The following ITGA9 variants were observed in gnomAD, a reference collection of about 807,000 sequenced individuals.
ITGA9 encodes the protein integrin subunit alpha 9.
A neutral mutation model predicts 127.8 loss-of-function variants in ITGA9; 56 were observed. That is an observed-to-expected ratio of 0.44 (90% CI 0.35 to 0.55). The LOEUF is 0.55. Among genes scored for constraint, ITGA9 ranks in the 20% least tolerant of loss-of-function variants. The pLI, the probability that ITGA9 is intolerant of heterozygous loss-of-function variation, is 0.00. For missense variants in ITGA9, 1,196 were observed against 1,347.1 expected (o/e 0.89, Z 1.76); for synonymous variants, 508 against 514.5 (o/e 0.99, Z 0.17).
At chr3:37,677,832 A>G (rs1253774616) in intron 17 of ITGA9, among the ~76,000 whole-genome samples, 3 of 152,196 alleles carry the variant, frequency 2.0e-5, no homozygotes, top group Non-Finnish European at 2.9e-5. Flanking sequence ...ATTGTTTGTG[A>G]TTTCACATTG....
intron 4 of ITGA9, among the ~76,000 whole-genome samples, chr3:37,483,821 T>G (rs1430832260): frequency 6.7e-6 from 1 of 149,730 alleles, no homozygotes; most frequent in African/African-American, 2.4e-5. Context: ...GTGACAGGAG[T>G]AAGTGGAGAC....
intron 11 of ITGA9, among the ~76,000 whole-genome samples, chr3:37,519,779 C>T (rs1699026063): frequency 6.6e-6 from 1 of 152,234 alleles, no homozygotes; most frequent in East Asian, 1.9e-4. Context: ...CAGCTGGCCT[C>T]AAAACCAGGA....
chr3:37,790,401 CTCTCGGTTG>C (rs1441783053), intron 26 of ITGA9: 5 of 472,444 alleles, frequency 1.1e-5, no homozygotes, highest in Non-Finnish European at 2.2e-5. Flanking sequence ...CTGCTCGGTT[CTCTCGGTTG>C]GAATGCCTGA....
chr3:37,656,501 T>A (rs6550495), intron 17 of ITGA9, among the ~76,000 whole-genome samples: 88,028 of 151,356 alleles, frequency 0.58, 26,265 homozygotes, highest in African/African-American at 0.72. Flanking sequence ...TTTGTCTGTT[T>A]TTGGTGTACA....
At chr3:37,797,082 C>A (rs539059795) in intron 26 of ITGA9, among the ~76,000 whole-genome samples, 3 of 152,044 alleles carry the variant, frequency 2.0e-5, no homozygotes, top group African/African-American at 4.8e-5. Context: ...ACCTGCAGAA[C>A]TTTGGGAGGC....
intron 23 of ITGA9, among the ~76,000 whole-genome samples, chr3:37,760,600 A>G (rs1467449887): frequency 6.6e-6 from 1 of 152,234 alleles, no homozygotes; most frequent in Non-Finnish European, 1.5e-5. Context: ...TCAATAAATG[A>G]TATGAAGACA....
intron 15 of ITGA9, among the ~76,000 whole-genome samples, chr3:37,593,668 A>G (rs988526474): frequency 6.6e-6 from 1 of 152,252 alleles, no homozygotes; most frequent in Non-Finnish European, 1.5e-5. Flanking sequence ...AGTGGGAGTT[A>G]GGGCTTAAAA....
At chr3:37,758,486 G>T (rs1198665726) in intron 23 of ITGA9, among the ~76,000 whole-genome samples, 4 of 150,878 alleles carry the variant, frequency 2.7e-5, no homozygotes, top group Admixed American at 6.6e-5. Flanking sequence ...ATAATAAAAG[G>T]ATTAAATGAA....
rs113254925 is a variant in ITGA9 at position 37,673,845 on chromosome 3, G to A, written c.1917-10020G>A. On this transcript the variant is annotated intron_variant, in intron 17 of 27. Transcript: ENST00000264741. ...CCTCAATGTCTTTGCAAAATGGGGA[G>A]GAGGTTGGTCTGTAATGAATTCTGA... is the stretch of plus-strand genomic sequence containing the variant. Among the ~76,000 whole-genome samples the A allele has an allele frequency of 5.2e-3, 790 of 152,330 alleles. 5 individuals carry two copies. The highest frequency in any genetic ancestry group is 0.024 in the Middle Eastern group (7 of 294).
At chr3:37,782,279 G>A (rs1696983970) in intron 25 of ITGA9, among the ~76,000 whole-genome samples, 2 of 152,226 alleles carry the variant, frequency 1.3e-5, no homozygotes. Context: ...CCACTCTGAT[G>A]TTTCCTTTAT....
At chr3:37,784,894 A>C in intron 25 of ITGA9, 83 bp from the exon 26 acceptor site, 1 of 1,163,054 alleles carries the variant, frequency 8.6e-7, no homozygotes, top group Non-Finnish European at 1.3e-6. Context: ...GAATCATGGA[A>C]TTTCAGTTCT....
intron 17 of ITGA9, among the ~76,000 whole-genome samples, chr3:37,681,482 A>G (rs1236023734): frequency 6.6e-6 from 1 of 152,158 alleles, no homozygotes; most frequent in East Asian, 1.9e-4. Context: ...CCCACACCCT[A>G]GTGATCAAGA....
rs77408817 is a variant in ITGA9, at chr3:37,784,151, C to T, written c.2788-826C>T. 1.7e-3 allele frequency among the ~76,000 whole-genome samples: 259 copies of T among 152,304 alleles called. 3 individuals carry two copies. The South Asian group carries it at 0.032, about 19-fold the overall frequency. ...ACTAGTTCTCTGCTATCTGTTTCCACGACAGAAGCCAGGCTGCCCTTCTGC... is the reference window on the plus strand; with the variant it reads ...ACTAGTTCTCTGCTATCTGTTTCCATGACAGAAGCCAGGCTGCCCTTCTGC... On this transcript the variant is annotated intron_variant, in intron 25 of 27. Coordinates refer to ENST00000264741, the MANE Select transcript of ITGA9 (RefSeq NM_002207.3).
chr3:37,613,884 A>T (rs965932140), intron 15 of ITGA9, among the ~76,000 whole-genome samples: 2 of 152,074 alleles, frequency 1.3e-5, no homozygotes, highest in South Asian at 2.1e-4. Flanking sequence ...AGATGAGTAG[A>T]TTGCAAAAAT....
chr3:37,753,083 G>A (rs1696609221), intron 23 of ITGA9, among the ~76,000 whole-genome samples: 1 of 152,184 alleles, frequency 6.6e-6, no homozygotes, highest in African/African-American at 2.4e-5. Context: ...GAAAAAAAAG[G>A]AAACAGGTCA....
chr3:37,653,330 A>G (rs6764018), intron 16 of ITGA9, among the ~76,000 whole-genome samples: 5,508 of 152,292 alleles, frequency 0.036, 113 homozygotes, highest in Non-Finnish European at 0.047. Flanking sequence ...TGACCAAACT[A>G]TAATCTGAGA....
At chr3:37,468,783 G>T (rs1300657801) in intron 1 of ITGA9, among the ~76,000 whole-genome samples, 1 of 152,192 alleles carries the variant, frequency 6.6e-6, no homozygotes, top group Non-Finnish European at 1.5e-5. Flanking sequence ...CAAGGCATGT[G>T]GGAGATGATC....
At chr3:37,770,608 C>T (rs956289379) in intron 23 of ITGA9, among the ~76,000 whole-genome samples, 6 of 152,184 alleles carry the variant, frequency 3.9e-5, no homozygotes, top group East Asian at 3.9e-4. Context: ...GATCAGATGA[C>T]GACAACATTT....
At chr3:37,525,430 C>T (rs1699083823) in intron 12 of ITGA9, among the ~76,000 whole-genome samples, 1 of 152,046 alleles carries the variant, frequency 6.6e-6, no homozygotes, top group African/African-American at 2.4e-5. Flanking sequence ...GGATAATTAT[C>T]TTCATTTTAC....
Sources: gnomAD v4.1 joint callset for allele counts (sites outside exome capture counted in the v4.1 genomes callset) on GRCh38, gnomAD v4.1.1 for gene constraint, MANE v1.5 for transcripts, NCBI Gene and HGNC (gene_info 2026-07-23, HGNC 2026-07-21) for gene names.